PRH1: variants seen among roughly 807,000 people sequenced by gnomAD.
PRH1 encodes salivary acidic proline-rich phosphoprotein 1/2.
In PRH1, 7 loss-of-function variants were observed where a neutral mutation model predicts 7.9. The ratio of observed to expected loss-of-function variants is 0.89; its 90% confidence interval spans 0.50 to 1.67. PRH1 has a LOEUF of 1.67. PRH1 is among the 40% of genes most tolerant of loss of function. The probability of loss-of-function intolerance (pLI) is 0.00; values close to 1 mark genes in which losing one functional copy is unlikely to be tolerated. For missense variants in PRH1, 109 were observed against 223.6 expected, an observed-to-expected ratio of 0.49 and a Z score of 3.27; for synonymous variants, 45 against 80.8, an observed-to-expected ratio of 0.56 and a Z score of 2.38.
chr12:10,908,516 C>T, intron 2 of PRH1: 1 of 1,613,902 alleles, frequency 6.2e-7, no homozygotes, highest in Non-Finnish European at 8.5e-7. Context: ...GCATGTAGAT[C>T]ACTGTGTTCT....
At chr12:10,912,434 G>T (rs1180524886) in intron 2 of PRH1, among the ~76,000 whole-genome samples, 1 of 151,944 alleles carries the variant, frequency 6.6e-6, no homozygotes, top group Non-Finnish European at 1.5e-5. Context: ...AATACCAACA[G>T]AATATATCCT....
chr12:10,926,083 GTCA>G (rs1441015112), intron 2 of PRH1, among the ~76,000 whole-genome samples: 1 of 152,068 alleles, frequency 6.6e-6, no homozygotes, highest in African/African-American at 2.4e-5. Flanking sequence ...ATATTAATAG[GTCA>G]TCAACATCAA....
rs576131788 is a variant in PRH1, at chr12:10,891,233, G to A, written c.-58-6958C>T. On this transcript the variant is annotated intron_variant, in intron 2 of 3. Transcript: ENST00000539853. ...CAAATAAGCATTATTGCCACTACTC[G>A]GTGGTTAACTGAATAAGCATCTGAA... Among the ~76,000 whole-genome samples, 31 of 152,252 alleles carry A rather than the reference G, an allele frequency of 2.0e-4. 1 individual carries two copies. In the South Asian group the frequency reaches 5.6e-3, roughly 28 times the overall value.
At chr12:11,138,009 C>A (rs1392606191) in intron 1 of PRH1, among the ~76,000 whole-genome samples, 1 of 152,000 alleles carries the variant, frequency 6.6e-6, no homozygotes, top group Non-Finnish European at 1.5e-5. Context: ...TAGGCAAATA[C>A]CCTCACGTGG....
chr12:10,953,575 G>A (rs117732988), intron 2 of PRH1, among the ~76,000 whole-genome samples: 3,010 of 152,140 alleles, frequency 0.02, 34 homozygotes, highest in South Asian at 0.031. Flanking sequence ...AAATAATGAA[G>A]AAGAATGCAC....
At chr12:10,965,647 G>A (rs1210031203) in intron 2 of PRH1, among the ~76,000 whole-genome samples, 2 of 152,122 alleles carry the variant, frequency 1.3e-5, no homozygotes, top group Non-Finnish European at 2.9e-5. Context: ...AAGTGAAACC[G>A]GAATTTTCAT....
Position 11,039,127 on chromosome 12 carries a change from C to T in PRH1, c.-126+7893G>A, listed in dbSNP as rs181345783. Reference sequence around the variant, plus strand: ...TAGTCTACAAGCTTAATGTAGGTGTCCATGGGAAAATATAAATATATTATT... The same window carrying T: ...TAGTCTACAAGCTTAATGTAGGTGTTCATGGGAAAATATAAATATATTATT... On this transcript the variant is annotated intron_variant, in intron 1 of 3. Coordinates refer to the PRH1 transcript ENST00000539853. Among the ~76,000 whole-genome samples, 34 of 152,244 alleles carry T rather than the reference C, an allele frequency of 2.2e-4. No individual in the cohort carries two copies. The East Asian group carries it at 6.2e-3, about 28-fold the overall frequency.
At chr12:11,146,136 T>C (rs546652408) in intron 1 of PRH1, among the ~76,000 whole-genome samples, 1 of 152,256 alleles carries the variant, frequency 6.6e-6, no homozygotes, top group African/African-American at 2.4e-5. Context: ...TTCTGAGCTT[T>C]TTACTATCTG....
intron 1 of PRH1, among the ~76,000 whole-genome samples, chr12:10,978,256 A>C (rs1939198774): frequency 6.6e-6 from 1 of 152,150 alleles, no homozygotes; most frequent in Non-Finnish European, 1.5e-5. Context: ...GCCCAGAAAT[A>C]ATGCCACCCA....
chr12:11,170,264 A>G (rs1947782388), intron 1 of PRH1, among the ~76,000 whole-genome samples: 1 of 152,236 alleles, frequency 6.6e-6, no homozygotes, highest in Non-Finnish European at 1.5e-5. Flanking sequence ...TTGGAAGTAC[A>G]GGCCGGGCGC....
chr12:11,014,484 G>C (rs1343396661), intron 1 of PRH1, among the ~76,000 whole-genome samples: 1 of 152,100 alleles, frequency 6.6e-6, no homozygotes, highest in Non-Finnish European at 1.5e-5. Context: ...CTTGGAATGA[G>C]TTCATAAGCC....
At chr12:11,060,413 T>C (rs1202708960) in intron 1 of PRH1, among the ~76,000 whole-genome samples, 1 of 151,782 alleles carries the variant, frequency 6.6e-6, no homozygotes, top group Non-Finnish European at 1.5e-5. Context: ...TGGGTTCTGT[T>C]ACCTGAAGTT....
At chr12:11,037,941 C>T (rs1324744784) in intron 1 of PRH1, among the ~76,000 whole-genome samples, 1 of 152,200 alleles carries the variant, frequency 6.6e-6, no homozygotes, top group Non-Finnish European at 1.5e-5. Flanking sequence ...ATTCAGGAGG[C>T]TGAGATGGGA....
intron 1 of PRH1, among the ~76,000 whole-genome samples, chr12:10,977,325 A>C (rs1939152065): frequency 6.6e-6 from 1 of 152,224 alleles, no homozygotes; most frequent in Non-Finnish European, 1.5e-5. Context: ...TCGCATTATC[A>C]TCTCGATAGA....
chr12:11,006,371 CT>C lies in PRH1; in HGVS notation c.-125-32651del, dbSNP rs199571634. On this transcript the variant is annotated intron_variant, in intron 1 of 3. Coordinates refer to the PRH1 transcript ENST00000539853. ...AAACTTCCATTTCTTTTCTCCTTTT[CT>C]TTTTTTTTTTTTTTTTTTCTGAGAC... is the stretch of plus-strand genomic sequence containing the variant. 7.7e-3 allele frequency: 945 copies of C among 123,182 alleles called. 7 individuals carry two copies. The highest frequency in any genetic ancestry group is 0.023 in the African/African-American group (792 of 33,814). The allele number at this position is 123,182 out of a possible 1,614,324, so 7.6% of individuals were successfully genotyped here.
intron 1 of PRH1, among the ~76,000 whole-genome samples, chr12:11,144,741 G>C (rs1432194533): frequency 6.6e-6 from 1 of 152,200 alleles, no homozygotes; most frequent in East Asian, 1.9e-4. Flanking sequence ...TCGGCTGTTT[G>C]GGGACCCAGT....
At chr12:11,056,344 G>C (rs369138861) in intron 1 of PRH1, among the ~76,000 whole-genome samples, 21 of 151,706 alleles carry the variant, frequency 1.4e-4, no homozygotes, top group Middle Eastern at 6.8e-3. Flanking sequence ...TAATGGTTTA[G>C]ATGAATAGAT....
In PRH1 at chr12:11,092,068, G is replaced by A. The variant is rs367840367; in HGVS notation, n.124-44880C>T. On this transcript the variant is annotated intron_variant and non_coding_transcript_variant, in intron 1 of 4. Coordinates refer to the PRH1 transcript ENST00000541977. ...ATAATACCCAGAGCAAACCAACTCT[G>A]GAGACCGCCAGAGCAGTGAGAATTT... 330 of 1,548,132 alleles carry A rather than the reference G, an allele frequency of 2.1e-4. 15 individuals are homozygous for A. The African/African-American group carries it at 4.1e-3, about 19-fold the overall frequency.
intron 2 of PRH1, among the ~76,000 whole-genome samples, chr12:10,952,595 AAC>A (rs141785354): frequency 0.024 from 3,670 of 152,310 alleles, 105 homozygotes; most frequent in East Asian, 0.062. Context: ...AGAACAATGA[AAC>A]ACAATTGACT....
Sources: allele counts gnomAD v4.1 joint callset (sites outside exome capture counted in the v4.1 genomes callset), GRCh38; gene constraint gnomAD v4.1.1; transcripts MANE v1.5; gene names NCBI Gene and HGNC (gene_info 2026-07-23, HGNC 2026-07-21).